Variants in ALPK2 observed in about 807,000 individuals in gnomAD.
ALPK2 encodes alpha kinase 2.
A neutral mutation model predicts 163.1 loss-of-function variants in ALPK2; 127 were observed. The observed-to-expected ratio is 0.78, with a 90% CI of 0.67 to 0.90. The LOEUF is 0.90. Ranked by LOEUF, ALPK2 falls within the 40% of genes least tolerant of loss-of-function variation. The pLI is 0.00. For missense variants in ALPK2, 2,360 were observed against 2,589.6 expected (o/e 0.91, Z 1.92); for synonymous variants, 953 against 959.1 (o/e 0.99, Z 0.12).
intron 6 of ALPK2, among the ~76,000 whole-genome samples, chr18:58,527,975 CA>C (rs2051592518): frequency 6.6e-6 from 1 of 152,126 alleles, no homozygotes; most frequent in African/African-American, 2.4e-5. Flanking sequence ...CTACTGGTGA[CA>C]AAATTAAGGG....
chr18:58,513,700 GA>G (rs1395344304), intron 10 of ALPK2, among the ~76,000 whole-genome samples: 1 of 152,170 alleles, frequency 6.6e-6, no homozygotes, highest in Non-Finnish European at 1.5e-5. Flanking sequence ...AACATACAGA[GA>G]CCCTGTCTCT....
Position 58,535,776 on chromosome 18 carries a change from G to C in ALPK2, c.4411C>G (p.Gln1471Glu), listed in dbSNP as rs1275375373. The C allele has an allele frequency of 6.2e-7, 1 of 1,614,204 alleles. No individual in the cohort carries two copies. The highest frequency in any genetic ancestry group is 8.5e-7 in the Non-Finnish European group (1 of 1,180,026). Residue 1471 changes from glutamine (Q) to glutamate (E), a missense_variant, in exon 5 of 13, where the codon CAA (glutamine) becomes GAA (glutamate). Physicochemically the swap from Gln to Glu is conservative, Grantham distance 29 (BLOSUM62 2). Coordinates refer to ENST00000361673, the MANE Select transcript of ALPK2 (RefSeq NM_052947.4). ...ILSENRISRS[Q>E]EGSMKQEAEQ... ...GCCTCCTGCTTCATACTGCCTTCTT[G>C]GCTTCTGCTGATTCTATTTTCACTC... is the stretch of plus-strand genomic sequence containing the variant.
chr18:58,549,786 T>C (rs959914160), intron 4 of ALPK2, among the ~76,000 whole-genome samples: 4 of 152,196 alleles, frequency 2.6e-5, no homozygotes, highest in Non-Finnish European at 5.9e-5. Flanking sequence ...TTTCTAGTAC[T>C]GCTGGCCCCA....
At position 58,503,443 on chromosome 18, in the gene ALPK2, A is replaced by G. The variant is rs533124042; in HGVS notation, c.6247+488T>C. Among the ~76,000 whole-genome samples the G allele has an allele frequency of 1.2e-4, 18 of 152,286 alleles. No individual in the cohort carries two copies. The South Asian group carries it at 3.1e-3, about 26-fold the overall frequency. Reference sequence around the variant, plus strand: ...ACAGTGGCTGACGCCTGTAATCCCAACACTTTTGGAGGCCAGTGTGGGAGG... The same window carrying G: ...ACAGTGGCTGACGCCTGTAATCCCAGCACTTTTGGAGGCCAGTGTGGGAGG... On this transcript the variant is annotated intron_variant, in intron 11 of 12. Transcript: ENST00000361673.
At chr18:58,529,282 C>CT in intron 5 of ALPK2, 44 bp from the exon 6 acceptor site, 1 of 1,513,792 alleles carries the variant, frequency 6.6e-7, no homozygotes, top group East Asian at 2.3e-5. Context: ...AAAGACTTTC[C>CT]CATTTCATAC....
At chr18:58,620,841 TAAC>T (rs2052194817) in intron 1 of ALPK2, among the ~76,000 whole-genome samples, 1 of 152,140 alleles carries the variant, frequency 6.6e-6, no homozygotes, top group African/African-American at 2.4e-5. Flanking sequence ...TTTTTCTTGT[TAAC>T]AACAATATAC....
At chr18:58,553,850 G>GTTTTTTTTTTTTT (rs71173061) in intron 4 of ALPK2, among the ~76,000 whole-genome samples, 14 of 74,008 alleles carry the variant, frequency 1.9e-4, no homozygotes, top group Non-Finnish European at 2.3e-4. Flanking sequence ...TTTTTTTTTG[G>GTTTTTTTTTTTTT]TTTTTTTTTT....
chr18:58,484,253 G>A (rs2051327368), intron 12 of ALPK2, among the ~76,000 whole-genome samples: 1 of 152,140 alleles, frequency 6.6e-6, no homozygotes, highest in South Asian at 2.1e-4. Context: ...GGGAGGAAGG[G>A]ACAGCAACTT....
intron 4 of ALPK2, among the ~76,000 whole-genome samples, chr18:58,551,506 T>C (rs925528610): frequency 2.0e-5 from 3 of 152,214 alleles, no homozygotes; most frequent in Non-Finnish European, 4.4e-5. Context: ...TCTTAGCTAA[T>C]TATATCTGCA....
chr18:58,589,555 C>T (rs1003515819), intron 3 of ALPK2, among the ~76,000 whole-genome samples: 2 of 152,052 alleles, frequency 1.3e-5, no homozygotes, highest in African/African-American at 4.8e-5. Flanking sequence ...CATAAACGAA[C>T]GATTTATTTT....
At chr18:58,548,166 A>T (rs571057899) in intron 4 of ALPK2, among the ~76,000 whole-genome samples, 1 of 152,190 alleles carries the variant, frequency 6.6e-6, no homozygotes, top group African/African-American at 2.4e-5. Flanking sequence ...AAATCTGAAT[A>T]TAAACATAAA....
At chr18:58,523,690 C>T (rs2051567934) in intron 8 of ALPK2, 116 bp downstream of exon 8, 5 of 1,316,344 alleles carry the variant, frequency 3.8e-6, no homozygotes, top group Non-Finnish European at 5.4e-6. Flanking sequence ...CGCCATAGCT[C>T]TCCTTCTCGG....
At chr18:58,543,657 G>A (rs752695976) in intron 4 of ALPK2, among the ~76,000 whole-genome samples, 39 of 152,156 alleles carry the variant, frequency 2.6e-4, no homozygotes, top group African/African-American at 7.5e-4. Flanking sequence ...CTGAGAAAGC[G>A]TAATACTGTG....
chr18:58,551,703 A>G (rs1214256032), intron 4 of ALPK2, among the ~76,000 whole-genome samples: 1 of 152,124 alleles, frequency 6.6e-6, no homozygotes, highest in African/African-American at 2.4e-5. Context: ...TTCAAATGAG[A>G]TTTTAGTGGC....
chr18:58,603,823 AT>A (rs2052084452), intron 3 of ALPK2, among the ~76,000 whole-genome samples: 1 of 152,028 alleles, frequency 6.6e-6, no homozygotes, highest in African/African-American at 2.4e-5. Flanking sequence ...AAAAAAAAAA[AT>A]TCTATTTCAA....
At chr18:58,523,770 C>G (rs780999954) in intron 8 of ALPK2, 36 bp downstream of exon 8, 1 of 1,613,884 alleles carries the variant, frequency 6.2e-7, no homozygotes, top group South Asian at 1.1e-5. Context: ...TACAGTAAGC[C>G]CATTTCCTCT....
At chr18:58,548,239 G>A (rs2051729481) in intron 4 of ALPK2, among the ~76,000 whole-genome samples, 1 of 152,110 alleles carries the variant, frequency 6.6e-6, no homozygotes, top group Non-Finnish European at 1.5e-5. Context: ...TGCAGGTTTG[G>A]GGATTGAGGA....
At chr18:58,502,362 T>TA (rs963739037) in intron 11 of ALPK2, among the ~76,000 whole-genome samples, 11 of 150,684 alleles carry the variant, frequency 7.3e-5, no homozygotes, top group East Asian at 3.9e-4. Context: ...CTCAAACAAA[T>TA]AAAAAAAAAT....
At chr18:58,482,394 C>T (rs1269002275) in intron 12 of ALPK2, among the ~76,000 whole-genome samples, 2 of 151,870 alleles carry the variant, frequency 1.3e-5, no homozygotes, top group Non-Finnish European at 2.9e-5. Context: ...TCTTAGTGAT[C>T]GAAAGCCACT....
Sources: allele counts gnomAD v4.1 joint callset (sites outside exome capture counted in the v4.1 genomes callset), GRCh38; gene constraint gnomAD v4.1.1; transcripts MANE v1.5; gene names NCBI Gene and HGNC (gene_info 2026-07-23, HGNC 2026-07-21).